The following SLC30A7 variants were observed in gnomAD, a reference collection of about 807,000 sequenced individuals.
SLC30A7 encodes solute carrier family 30 member 7, also known as zinc transporter 7.
In SLC30A7, 35 loss-of-function variants were observed where a neutral mutation model predicts 46.0. That is an observed-to-expected ratio of 0.76 (90% CI 0.58 to 1.01). The LOEUF is 1.01. Among genes scored for constraint, SLC30A7 ranks in the 50% least tolerant of loss-of-function variants. The probability of loss-of-function intolerance (pLI) is 0.00; values close to 1 mark genes in which losing one functional copy is unlikely to be tolerated. For synonymous variants in SLC30A7, 147 were observed against 157.8 expected, an observed-to-expected ratio of 0.93 and a Z score of 0.51; for missense variants, 464 against 451.1, an observed-to-expected ratio of 1.03 and a Z score of -0.26.
Position 100,981,536 on chromosome 1 carries a change from A to G in SLC30A7, c.*6679A>G, listed in dbSNP as rs1476527241. The G allele has an allele frequency of 6.6e-6, 1 of 152,222 alleles. No individual in the cohort carries two copies. The highest frequency in any genetic ancestry group is 1.5e-5 in the Non-Finnish European group (1 of 68,034). 9.4% of individuals were successfully genotyped at this position (152,222 alleles called of 1,614,324 possible). On this transcript the variant is annotated 3_prime_UTR_variant, in exon 11 of 11. Coordinates refer to ENST00000357650, the MANE Select transcript of SLC30A7 (RefSeq NM_133496.5). ...AAATGTTTGAGTACAAGGCTAAGTT[A>G]TAATGTCAACTTTCAAAGACTATGT...
chr1:100,934,561 TATA>T (rs918908257), intron 8 of SLC30A7, among the ~76,000 whole-genome samples: 2 of 151,924 alleles, frequency 1.3e-5, no homozygotes, highest in Non-Finnish European at 2.9e-5. Context: ...GGTGTGGAAA[TATA>T]ATATTTTCCT....
the SLC30A7 span, chr1:100,992,748 C>G: frequency 6.3e-7 from 1 of 1,596,796 alleles, no homozygotes; most frequent in Non-Finnish European, 8.6e-7. Flanking sequence ...CCCCTATAGG[C>G]AGAAAACTAG....
At position 100,912,220 on chromosome 1, in the gene SLC30A7, G is replaced by A; in HGVS notation, c.493G>A (p.Gly165Arg). Residue 165 changes from glycine to arginine, a missense_variant, in exon 5 of 11, where the codon GGA (glycine) becomes AGA (arginine). Transcript: ENST00000357650. Reference protein sequence around the residue: ...GIFVFKHGGHGHSHGSGHGHS... With the variant: ...GIFVFKHGGHRHSHGSGHGHS... ...ATTTGTTTTCAAACATGGAGGTCAT[G>A]GACATTCTCATGGCTCTGGTATGAT... 2 of 1,613,908 alleles carry A rather than the reference G, an allele frequency of 1.2e-6. No individual in the cohort carries two copies. The highest frequency in any genetic ancestry group is 1.7e-6 in the Non-Finnish European group (2 of 1,179,888).
intron 1 of SLC30A7, 30 bp from the exon 2 acceptor site, chr1:100,896,540 C>G (rs374928613): frequency 6.2e-7 from 1 of 1,601,498 alleles, no homozygotes; most frequent in Non-Finnish European, 8.6e-7. Flanking sequence ...CTTAACTCTC[C>G]CGGCTCTTTT....
At chr1:100,992,357 AAT>A in the SLC30A7 span, among the ~76,000 whole-genome samples, 2 of 152,136 alleles carry the variant, frequency 1.3e-5, no homozygotes, top group Non-Finnish European at 2.9e-5. Context: ...TTTATACAGT[AAT>A]ATATTTATAT....
intron 8 of SLC30A7, among the ~76,000 whole-genome samples, chr1:100,930,072 A>C (rs1653576566): frequency 1.3e-5 from 2 of 152,062 alleles, no homozygotes; most frequent in Admixed American, 1.3e-4. Context: ...TTACCTATGC[A>C]TGATGGATAA....
chr1:100,933,994 T>G (rs1216317760), intron 8 of SLC30A7, among the ~76,000 whole-genome samples: 1 of 152,258 alleles, frequency 6.6e-6, no homozygotes, highest in East Asian at 1.9e-4. Context: ...AGTGTATCTC[T>G]ATATACATAC....
intron 8 of SLC30A7, among the ~76,000 whole-genome samples, chr1:100,929,716 GT>G (rs907960305): frequency 2.5e-4 from 36 of 146,200 alleles, no homozygotes; most frequent in African/African-American, 6.5e-4. Context: ...AAAAAGACAG[GT>G]TTTTTTTTTT....
chr1:100,910,769 T>C (rs1027959128), intron 3 of SLC30A7, among the ~76,000 whole-genome samples: 2 of 152,166 alleles, frequency 1.3e-5, no homozygotes, highest in African/African-American at 2.4e-5. Context: ...CACTAGCAAC[T>C]TGAGATTTAA....
chr1:100,983,391 CA>C (rs796350236), downstream of SLC30A7, among the ~76,000 whole-genome samples: 136 of 87,834 alleles, frequency 1.5e-3, 1 homozygote, highest in East Asian at 8.1e-3. Context: ...AAAAAAAAAA[CA>C]AAACAAAACA....
rs760524394 is a variant in SLC30A7 at position 100,921,853 on chromosome 1, T to A, written c.842+12T>A. Reference sequence around the variant, plus strand: ...CTTATAGTTGTAAGGTAAGTGTTATTGTTACTTTCAAGTATTAAAGTGAGA... The same window carrying A: ...CTTATAGTTGTAAGGTAAGTGTTATAGTTACTTTCAAGTATTAAAGTGAGA... On this transcript the variant is annotated intron_variant, in intron 8 of 10. Transcript: ENST00000357650. 1.9e-6 allele frequency: 3 copies of A among 1,607,194 alleles called. No homozygotes were observed. The highest frequency in any genetic ancestry group is 2.6e-6 in the Non-Finnish European group (3 of 1,176,196).
chr1:100,913,564 T>G (rs1310363818), intron 5 of SLC30A7, 99 bp from the exon 6 acceptor site: 2 of 833,080 alleles, frequency 2.4e-6, no homozygotes, highest in East Asian at 2.6e-5. Context: ...TGAATTGATC[T>G]GAGTTTAGAG....
At chr1:100,908,562 T>C (rs1320888641) in intron 3 of SLC30A7, among the ~76,000 whole-genome samples, 4 of 152,168 alleles carry the variant, frequency 2.6e-5, no homozygotes, top group African/African-American at 9.6e-5. Flanking sequence ...AAATACTCAT[T>C]GTACATTTTA....
At chr1:100,995,280 C>T in the SLC30A7 span, 1 of 553,218 alleles carries the variant, frequency 1.8e-6, no homozygotes, top group East Asian at 3.1e-5. Flanking sequence ...TAGCCACTTT[C>T]TTACAGTAAC....
rs1656454669 is a variant in SLC30A7 at position 100,975,838 on chromosome 1, T to G, written c.*981T>G. Reference sequence around the variant, plus strand: ...ACCACGCCCGGCTATGTTTTTTTTTTTTTTTTTTTTTTTTTTTAACAATGG... The same window carrying G: ...ACCACGCCCGGCTATGTTTTTTTTTGTTTTTTTTTTTTTTTTTAACAATGG... On this transcript the variant is annotated 3_prime_UTR_variant, in exon 11 of 11. Transcript: ENST00000357650. 2 of 150,818 alleles carry G rather than the reference T, an allele frequency of 1.3e-5. No individual in the cohort carries two copies. Among genetic ancestry groups the G allele is most frequent in the East Asian group, 1.9e-4 (1 of 5,180 alleles). The allele number at this position is 150,818 out of a possible 1,614,324, so 9.3% of individuals were successfully genotyped here. A position where few individuals can be genotyped will look rare whatever the true frequency, so the allele number is the denominator to read the frequency against.
At chr1:100,900,453 A>T (rs1180414166) in intron 2 of SLC30A7, among the ~76,000 whole-genome samples, 2 of 152,208 alleles carry the variant, frequency 1.3e-5, no homozygotes, top group African/African-American at 4.8e-5. Context: ...TCTATCAATC[A>T]CATGTTTTTC....
At chr1:100,911,009 T>G in intron 3 of SLC30A7, 54 bp from the exon 4 acceptor site, 1 of 1,388,428 alleles carries the variant, frequency 7.2e-7, no homozygotes, top group Non-Finnish European at 1.0e-6. Context: ...ATTTTACGAT[T>G]TAATTTTTAA....
At chr1:100,936,394 A>G (rs1653969017) in intron 8 of SLC30A7, among the ~76,000 whole-genome samples, 1 of 152,150 alleles carries the variant, frequency 6.6e-6, no homozygotes, top group East Asian at 1.9e-4. Flanking sequence ...TGTCACCAGA[A>G]TTGTGAAATG....
the SLC30A7 span, chr1:100,990,556 A>C: frequency 6.2e-7 from 1 of 1,614,166 alleles, no homozygotes; most frequent in African/African-American, 1.3e-5. Flanking sequence ...CATTTGCCTT[A>C]AAGTGCCTGC....
Sources: allele counts gnomAD v4.1 joint callset (sites outside exome capture counted in the v4.1 genomes callset), GRCh38; gene constraint gnomAD v4.1.1; transcripts MANE v1.5; gene names NCBI Gene and HGNC (gene_info 2026-07-23, HGNC 2026-07-21).